Variants in LARP7 observed in about 807,000 individuals in gnomAD.
LARP7 encodes la-related protein 7.
In LARP7, 52 loss-of-function variants were observed where a neutral mutation model predicts 69.3. The ratio of observed to expected loss-of-function variants is 0.75; its 90% confidence interval spans 0.60 to 0.95. The LOEUF is 0.95. LARP7 is among the 40% of genes least tolerant of loss of function. LARP7 has a pLI of 0.00. For missense variants in LARP7, 733 were observed against 673.0 expected, an observed-to-expected ratio of 1.09 and a Z score of -0.99; for synonymous variants, 254 against 215.9, an observed-to-expected ratio of 1.18 and a Z score of -1.55.
intron 2 of LARP7, chr4:112,645,527 G>A (rs577267193): frequency 1.8e-5 from 8 of 455,860 alleles, no homozygotes; most frequent in Non-Finnish European, 3.1e-5. Flanking sequence ...TTTTTTTGAG[G>A]CAAGGTCTAT....
At chr4:112,645,343 A>C (rs1473181641) in intron 2 of LARP7, among the ~76,000 whole-genome samples, 2 of 152,226 alleles carry the variant, frequency 1.3e-5, no homozygotes, top group Non-Finnish European at 2.9e-5. Context: ...CTTCTAAATA[A>C]AGACTGTTGG....
chr4:112,653,663 T>G lies in LARP7; in HGVS notation c.1577-405T>G, dbSNP rs186778558. On this transcript the variant is annotated intron_variant, in intron 11 of 12. Transcript: ENST00000344442. ...ACCATGCCCCGCTATTTTGCATTTT[T>G]AATAGAGACGGGGTTTCTCCATGTT... 6.8e-4 allele frequency among the ~76,000 whole-genome samples: 104 copies of G among 152,296 alleles called. 1 individual carries two copies. The highest frequency in any genetic ancestry group is 2.4e-3 in the African/African-American group (101 of 41,578).
At chr4:112,646,315 G>A (rs1560927226) in intron 2 of LARP7, 36 bp from the exon 3 acceptor site, 2 of 1,055,166 alleles carry the variant, frequency 1.9e-6, no homozygotes, top group Admixed American at 1.9e-5. Flanking sequence ...TAATCCTGCT[G>A]ATACACTAAC....
At chr4:112,638,775 G>A (rs1299629352) in intron 1 of LARP7, among the ~76,000 whole-genome samples, 3 of 152,166 alleles carry the variant, frequency 2.0e-5, no homozygotes, top group African/African-American at 4.8e-5. Context: ...TTCTCAGAAT[G>A]TGTCCTTGTC....
At chr4:112,653,557 T>G (rs147711629) in intron 11 of LARP7, among the ~76,000 whole-genome samples, 1,600 of 152,298 alleles carry the variant, frequency 0.011, 22 homozygotes, top group African/African-American at 0.036. Context: ...CGATCTCGGC[T>G]CACTGCAACC....
Position 112,646,650 on chromosome 4 carries a change from G to A in LARP7, c.366G>A (p.Glu122=), listed in dbSNP as rs367670118. ...KKPLGERPKD[E]DERTVYVELL... Reference sequence around the variant, plus strand: ...CTCTGGGGGAAAGACCAAAGGATGAGGATGAACGCACAGTGTATGTGGTAA... The same window carrying A: ...CTCTGGGGGAAAGACCAAAGGATGAAGATGAACGCACAGTGTATGTGGTAA... The change falls in exon 4 of 13, where the codon GAG becomes GAA. Residue 122 remains glutamate (E), a synonymous_variant. Transcript: ENST00000344442. 1.2e-6 allele frequency: 2 copies of A among 1,606,360 alleles called. No individual in the cohort carries two copies. Among genetic ancestry groups the A allele is most frequent in the African/African-American group, 1.3e-5 (1 of 74,746 alleles).
intron 12 of LARP7, among the ~76,000 whole-genome samples, chr4:112,656,073 A>G (rs545570541): frequency 6.6e-6 from 1 of 152,268 alleles, no homozygotes; most frequent in Admixed American, 6.5e-5. Context: ...TATTTGGCCC[A>G]TAATTGAGTA....
At chr4:112,652,518 A>G (rs1463585465) in intron 10 of LARP7, among the ~76,000 whole-genome samples, 2 of 152,140 alleles carry the variant, frequency 1.3e-5, no homozygotes, top group Non-Finnish European at 2.9e-5. Context: ...CAACTTGTTT[A>G]GAAGAGGTTA....
rs758732469 is a variant in LARP7 at position 112,647,133 on chromosome 4, T to C, written c.646+6T>C. 6.9e-6 allele frequency: 11 copies of C among 1,601,056 alleles called. No homozygotes were observed. In the African/African-American group the frequency reaches 1.5e-4, roughly 22 times the overall value. On this transcript the variant is annotated splice_donor_region_variant and intron_variant, in intron 6 of 12. Transcript: ENST00000344442. ...TCCAGCCTTAAGAGTTGTGGGTGAG[T>C]ATTTTTCAATATTTAAATAGGTGTA...
Position 112,657,385 on chromosome 4 carries a change from A to G in LARP7, c.*58A>G. 1.3e-6 allele frequency: 1 copy of G among 775,996 alleles called. No homozygotes were observed. The highest frequency in any genetic ancestry group is 2.0e-6 in the Non-Finnish European group (1 of 503,686). 48.1% of individuals were successfully genotyped at this position (775,996 alleles called of 1,614,324 possible). On this transcript the variant is annotated 3_prime_UTR_variant, in exon 13 of 13. Transcript: ENST00000344442. ...AAGATACTTGAGCTGTTCTTGGGAG[A>G]TTCACTTTTATTATGGTAGCACTGC... is the stretch of plus-strand genomic sequence containing the variant.
intron 12 of LARP7, among the ~76,000 whole-genome samples, chr4:112,654,940 G>T (rs1307201241): frequency 6.6e-6 from 1 of 150,912 alleles, no homozygotes; most frequent in East Asian, 1.9e-4. Flanking sequence ...TTTTTGTTAG[G>T]TGAGCAAGTT....
In LARP7 at chr4:112,647,692, A is replaced by G. The variant is rs763729793; in HGVS notation, c.1000A>G (p.Ile334Val). ...ASEASKENRD[I>V]EISTEEEKDT... is the part of the protein sequence containing the mutation. ...AGAGCTTTTTTATTTATTTCAAGAT[A>G]TAGAAATCTCTACTGAAGAGGAAAA... The change falls in exon 8 of 13, where the codon ATA becomes GTA. Residue 334 changes from isoleucine (I) to valine (V), a missense_variant and splice_region_variant. Ile to Val is a conservative substitution (Grantham distance 29). Transcript: ENST00000344442. The G allele has an allele frequency of 1.3e-6, 2 of 1,521,478 alleles. No individual in the cohort carries two copies. Among genetic ancestry groups the G allele is most frequent in the East Asian group, 2.3e-5 (1 of 44,280 alleles). The allele number at this position is 1,521,478 out of a possible 1,614,324, so 94.2% of individuals were successfully genotyped here. A position where few individuals can be genotyped will look rare whatever the true frequency, so the allele number is the denominator to read the frequency against.
intron 1 of LARP7, among the ~76,000 whole-genome samples, chr4:112,638,688 A>G (rs1011208127): frequency 2.6e-5 from 4 of 152,206 alleles, no homozygotes; most frequent in African/African-American, 2.4e-5. Flanking sequence ...GTAATAGGCA[A>G]TAGTACCTAG....
intron 8 of LARP7, chr4:112,648,682 G>A (rs1263361158): frequency 2.7e-6 from 1 of 373,406 alleles, no homozygotes; most frequent in Non-Finnish European, 5.5e-6. Flanking sequence ...AAAGATTCGT[G>A]TTCTCCTCCA....
At chr4:112,641,920 C>G (rs992968235) in intron 1 of LARP7, among the ~76,000 whole-genome samples, 1 of 152,066 alleles carries the variant, frequency 6.6e-6, no homozygotes, top group African/African-American at 2.4e-5. Flanking sequence ...GAGCTTAAAG[C>G]CAGGATCCTC....
chr4:112,654,028 T>C (rs781073989), intron 11 of LARP7, 40 bp from the exon 12 acceptor site: 3 of 1,420,062 alleles, frequency 2.1e-6, no homozygotes, highest in East Asian at 4.6e-5. Flanking sequence ...TTCAGATATG[T>C]TCTTCTTTTC....
chr4:112,647,268 A>G lies in LARP7; in HGVS notation c.716A>G (p.Glu239Gly), dbSNP rs766587064. 2.0e-5 allele frequency: 33 copies of G among 1,612,624 alleles called. No individual in the cohort carries two copies. Among genetic ancestry groups the G allele is most frequent in the Non-Finnish European group, 2.4e-5 (28 of 1,179,780 alleles). Residue 239 changes from glutamate to glycine, a missense_variant, in exon 7 of 13, where the codon GAA becomes GGA. By Grantham distance (98) the Glu-to-Gly change is moderately conservative. Coordinates refer to ENST00000344442, the MANE Select transcript of LARP7 (RefSeq NM_016648.4). ...GAAGACAATATCCAAGCCAAAGAAGAAAACATGGACACAAGCAACACCAGC... is the reference window on the plus strand; with the variant it reads ...GAAGACAATATCCAAGCCAAAGAAGGAAACATGGACACAAGCAACACCAGC... The part of the protein sequence containing the change: ...KKEDNIQAKE[E>G]NMDTSNTSIS...
intron 11 of LARP7, 35 bp downstream of exon 11, chr4:112,653,271 T>C (rs761357516): frequency 1.3e-6 from 2 of 1,518,832 alleles, no homozygotes; most frequent in South Asian, 2.5e-5. Flanking sequence ...TTTTTTTTGT[T>C]ATCATCCTTA....
chr4:112,649,174 G>A (rs1217458475), intron 8 of LARP7, among the ~76,000 whole-genome samples: 1 of 151,980 alleles, frequency 6.6e-6, no homozygotes, highest in African/African-American at 2.4e-5. Context: ...TCTCAAATTG[G>A]AAGCAGTTTA....
Sources: gnomAD v4.1 joint callset for allele counts (sites outside exome capture counted in the v4.1 genomes callset) on GRCh38, gnomAD v4.1.1 for gene constraint, MANE v1.5 for transcripts, NCBI Gene and HGNC (gene_info 2026-07-23, HGNC 2026-07-21) for gene names.